ROBO2: variants seen among roughly 807,000 people sequenced by gnomAD.
ROBO2 encodes roundabout guidance receptor 2.
A neutral mutation model predicts 160.8 loss-of-function variants in ROBO2; 53 were observed. That is an observed-to-expected ratio of 0.33 (90% CI 0.26 to 0.41). ROBO2 has a LOEUF of 0.41. Ranked by LOEUF, ROBO2 falls within the 10% of genes least tolerant of loss-of-function variation. The probability of loss-of-function intolerance (pLI) is 1.00; values close to 1 mark genes in which losing one functional copy is unlikely to be tolerated. For synonymous variants in ROBO2, 664 were observed against 611.7 expected, an observed-to-expected ratio of 1.09 and a Z score of -1.26; for missense variants, 1,577 against 1,722.4, an observed-to-expected ratio of 0.92 and a Z score of 1.49.
At chr3:77,020,712 G>A (rs1002223399) in intron 2 of ROBO2, among the ~76,000 whole-genome samples, 2 of 150,022 alleles carry the variant, frequency 1.3e-5, no homozygotes, top group African/African-American at 5.1e-5. Context: ...GTGGAAAAAG[G>A]CAGGATACAA....
At chr3:76,783,225 T>C (rs2108630560) in intron 2 of ROBO2, among the ~76,000 whole-genome samples, 1 of 151,084 alleles carries the variant, frequency 6.6e-6, no homozygotes, top group Admixed American at 6.6e-5. Context: ...GTGTATGCAT[T>C]AAGTAATTAC....
intron 2 of ROBO2, among the ~76,000 whole-genome samples, chr3:75,977,008 C>A (rs1040032068): frequency 6.6e-6 from 1 of 151,594 alleles, no homozygotes; most frequent in Non-Finnish European, 1.5e-5. Flanking sequence ...TAGGTATTCT[C>A]ATTTATCCCT....
chr3:76,248,537 T>A (rs1268888475), intron 2 of ROBO2, among the ~76,000 whole-genome samples: 4 of 151,392 alleles, frequency 2.6e-5, no homozygotes, highest in African/African-American at 9.7e-5. Flanking sequence ...ATATACCTAA[T>A]GCTAGATGAC....
chr3:75,982,133 G>C (rs189538428), intron 2 of ROBO2, among the ~76,000 whole-genome samples: 1 of 151,270 alleles, frequency 6.6e-6, no homozygotes, highest in Non-Finnish European at 1.5e-5. Context: ...ATAGTACTCC[G>C]TTGTGTATAT....
intron 2 of ROBO2, among the ~76,000 whole-genome samples, chr3:76,452,734 C>T (rs1262250557): frequency 1.3e-5 from 2 of 152,156 alleles, no homozygotes; most frequent in Non-Finnish European, 2.9e-5. Flanking sequence ...GTTCTAGATC[C>T]CTGACGAATC....
intron 2 of ROBO2, among the ~76,000 whole-genome samples, chr3:75,972,000 A>G (rs2065009963): frequency 1.3e-5 from 2 of 151,646 alleles, no homozygotes; most frequent in African/African-American, 4.8e-5. Context: ...CAAATAAATT[A>G]TTCTGTTCTG....
chr3:76,346,554 A>G (rs1477354737), intron 2 of ROBO2, among the ~76,000 whole-genome samples: 3 of 152,172 alleles, frequency 2.0e-5, no homozygotes, highest in Admixed American at 2.0e-4. Context: ...CTACAGTTGC[A>G]TAATATAGCA....
chr3:77,567,408 G>A (rs745365107), intron 12 of ROBO2, among the ~76,000 whole-genome samples: 2 of 151,972 alleles, frequency 1.3e-5, no homozygotes, highest in Non-Finnish European at 2.9e-5. Context: ...GGACTTAGCT[G>A]CTTACGATTT....
intron 2 of ROBO2, among the ~76,000 whole-genome samples, chr3:76,917,414 A>G (rs1313473525): frequency 6.6e-6 from 1 of 152,228 alleles, no homozygotes; most frequent in African/African-American, 2.4e-5. Flanking sequence ...CCTGACAAGA[A>G]AAATGATTGA....
chr3:76,449,733 G>A lies in ROBO2; in HGVS notation c.109+512131G>A, dbSNP rs565566406. 5.5e-4 allele frequency among the ~76,000 whole-genome samples: 83 copies of A among 152,178 alleles called. 1 individual carries two copies. Among genetic ancestry groups the A allele is most frequent in the Middle Eastern group, 6.8e-3 (2 of 294 alleles). On this transcript the variant is annotated intron_variant, in intron 2 of 26. Transcript: ENST00000487694. The stretch of plus-strand genomic sequence containing the variant: ...CTTCTGCATCAGTGAAACTAAATTA[G>A]GGATCACCAAATAGGGCATTTACAT...
chr3:76,795,122 G>A (rs1054861052), intron 2 of ROBO2, among the ~76,000 whole-genome samples: 1 of 152,002 alleles, frequency 6.6e-6, no homozygotes, highest in African/African-American at 2.4e-5. Context: ...AAAATAATTC[G>A]TAGCTGAAAA....
chr3:77,495,193 A>C (rs1340083652), intron 5 of ROBO2, among the ~76,000 whole-genome samples: 1 of 152,246 alleles, frequency 6.6e-6, no homozygotes, highest in Non-Finnish European at 1.5e-5. Context: ...AATTTATCCT[A>C]GTGTAAACAC....
intron 2 of ROBO2, among the ~76,000 whole-genome samples, chr3:76,396,901 A>C (rs2077489413): frequency 6.6e-6 from 1 of 152,180 alleles, no homozygotes; most frequent in African/African-American, 2.4e-5. Context: ...ATACTGCCCA[A>C]GGTAATTTAT....
intron 2 of ROBO2, among the ~76,000 whole-genome samples, chr3:77,360,890 T>C (rs1357958048): frequency 1.6e-5 from 1 of 63,884 alleles, no homozygotes; most frequent in African/African-American, 5.8e-5. Flanking sequence ...TAAAATATTT[T>C]TGTTTGCATT....
chr3:76,099,909 A>C (rs900536963), intron 2 of ROBO2, among the ~76,000 whole-genome samples: 4 of 152,098 alleles, frequency 2.6e-5, no homozygotes, highest in Non-Finnish European at 5.9e-5. Flanking sequence ...ATATTGGCCA[A>C]ATTTTCAGCA....
At chr3:76,638,382 G>T (rs933955808) in intron 2 of ROBO2, among the ~76,000 whole-genome samples, 3 of 151,992 alleles carry the variant, frequency 2.0e-5, no homozygotes, top group African/African-American at 7.2e-5. Context: ...AGAATTGGTG[G>T]TCAATAATTC....
chr3:76,525,933 A>G (rs1398247063), intron 2 of ROBO2, among the ~76,000 whole-genome samples: 1 of 152,032 alleles, frequency 6.6e-6, no homozygotes, highest in Non-Finnish European at 1.5e-5. Context: ...AGACAGTGCC[A>G]TTAGTTATGG....
intron 2 of ROBO2, among the ~76,000 whole-genome samples, chr3:76,473,004 C>A (rs551900840): frequency 2.8e-4 from 42 of 151,066 alleles, no homozygotes; most frequent in Non-Finnish European, 4.7e-4. Flanking sequence ...TCCAAAAATG[C>A]AATTTTTTTA....
intron 2 of ROBO2, among the ~76,000 whole-genome samples, chr3:76,606,529 A>T (rs547290667): frequency 1.3e-5 from 2 of 152,214 alleles, no homozygotes; most frequent in Non-Finnish European, 2.9e-5. Context: ...ACAAGTCTCT[A>T]GAGAACAGGA....
Sources: allele counts gnomAD v4.1 joint callset (sites outside exome capture counted in the v4.1 genomes callset), GRCh38; gene constraint gnomAD v4.1.1; transcripts MANE v1.5; gene names NCBI Gene and HGNC (gene_info 2026-07-23, HGNC 2026-07-21).